The following ELP4 variants were observed in gnomAD, a reference collection of about 807,000 sequenced individuals.
ELP4 encodes elongator complex protein 4.
Under a neutral mutation model 48.9 loss-of-function variants are expected in ELP4, and 51 were observed. The ratio of observed to expected loss-of-function variants is 1.04; its 90% CI spans 0.83 to 1.32. The LOEUF is 1.32. Among genes scored for constraint, ELP4 ranks in the 40% most tolerant of loss-of-function variants. The pLI is 0.00. For missense variants in ELP4, 519 were observed against 514.6 expected (o/e 1.01, Z -0.08); for synonymous variants, 210 against 189.2 (o/e 1.11, Z -0.90).
chr11:31,629,604 G>A (rs1454260233), intron 6 of ELP4, among the ~76,000 whole-genome samples: 3 of 151,832 alleles, frequency 2.0e-5, no homozygotes, highest in East Asian at 3.9e-4. Context: ...ATACCTAACA[G>A]CATTTTTGTT....
Position 31,785,481 on chromosome 11 carries a change from TAGA to T in ELP4, c.*1958_*1960del, listed in dbSNP as rs1948543598. On this transcript the variant is annotated 3_prime_UTR_variant, in exon 10 of 10. Coordinates refer to ENST00000640961, the MANE Select transcript of ELP4 (RefSeq NM_019040.5). ...TACTAGTTAATATATGCTTTGCAAA[TAGA>T]TAACTACTATAAAAATTGAATATGC... The T allele has an allele frequency of 5.3e-6, 1 of 188,600 alleles. No individual in the cohort carries two copies. The highest frequency in any genetic ancestry group is 8.6e-5 in the East Asian group (1 of 11,682). The allele number at this position is 188,600 out of a possible 1,614,324, so 11.7% of individuals were successfully genotyped here. A position where few individuals can be genotyped will look rare whatever the true frequency, so the allele number is the denominator to read the frequency against.
intron 3 of ELP4, among the ~76,000 whole-genome samples, chr11:31,546,467 G>A (rs908119096): frequency 3.9e-5 from 6 of 152,052 alleles, no homozygotes; most frequent in Non-Finnish European, 7.4e-5. Flanking sequence ...CAATACAGGA[G>A]CACCCAGATT....
chr11:31,630,053 A>G (rs1159089507), intron 6 of ELP4, among the ~76,000 whole-genome samples: 1 of 151,964 alleles, frequency 6.6e-6, no homozygotes, highest in African/African-American at 2.4e-5. Flanking sequence ...AGAAATAAAA[A>G]GAAAACAATT....
In ELP4 at chr11:31,532,042, C is replaced by T. The variant is rs959743833; in HGVS notation, c.260-7620C>T. On this transcript the variant is annotated intron_variant, in intron 2 of 9. Transcript: ENST00000640961. ...CTAACATTTATTGACCACTTAACTA[C>T]GCACAAGGCACTGATTTAAGTATTT... Among the ~76,000 whole-genome samples the T allele has an allele frequency of 1.6e-4, 25 of 152,158 alleles. 1 individual carries two copies. Among genetic ancestry groups the T allele is most frequent in the African/African-American group, 4.1e-4 (17 of 41,426 alleles).
intron 9 of ELP4, among the ~76,000 whole-genome samples, chr11:31,760,287 A>G (rs1947918216): frequency 6.6e-6 from 1 of 152,198 alleles, no homozygotes; most frequent in Admixed American, 6.5e-5. Flanking sequence ...TAATGGCACA[A>G]CTTTGAAACA....
chr11:31,681,435 TAAATA>T (rs1401882038), intron 9 of ELP4, among the ~76,000 whole-genome samples: 1 of 152,060 alleles, frequency 6.6e-6, no homozygotes, highest in Non-Finnish European at 1.5e-5. Flanking sequence ...GTAAAGCAAA[TAAATA>T]AAACACCATT....
At chr11:31,749,856 A>AT (rs1365172448) in intron 9 of ELP4, among the ~76,000 whole-genome samples, 5,296 of 140,226 alleles carry the variant, frequency 0.038, 262 homozygotes, top group Admixed American at 0.097. Context: ...CCTTTATGAC[A>AT]TTTTTTTTTT....
At chr11:31,573,931 G>A (rs916214962) in intron 3 of ELP4, among the ~76,000 whole-genome samples, 3 of 152,032 alleles carry the variant, frequency 2.0e-5, no homozygotes, top group Admixed American at 2.0e-4. Flanking sequence ...ATCTCATTAG[G>A]GGATAGGACT....
At chr11:31,581,275 G>C (rs1335788554) in intron 3 of ELP4, among the ~76,000 whole-genome samples, 6 of 152,046 alleles carry the variant, frequency 3.9e-5, no homozygotes, top group African/African-American at 1.4e-4. Context: ...AAGATGTCTT[G>C]TTTCCTGGAT....
At chr11:31,600,707 A>G (rs1400268840) in intron 4 of ELP4, among the ~76,000 whole-genome samples, 2 of 152,202 alleles carry the variant, frequency 1.3e-5, no homozygotes, top group South Asian at 2.1e-4. Context: ...TCCAGATTCT[A>G]GTGATTAAAC....
intron 3 of ELP4, among the ~76,000 whole-genome samples, chr11:31,575,987 C>A (rs906009931): frequency 6.6e-6 from 1 of 152,160 alleles, no homozygotes; most frequent in African/African-American, 2.4e-5. Flanking sequence ...TTAAAAGACA[C>A]AGACTGGAAA....
At chr11:31,561,211 A>G (rs1040302187) in intron 3 of ELP4, among the ~76,000 whole-genome samples, 3 of 152,274 alleles carry the variant, frequency 2.0e-5, no homozygotes, top group Non-Finnish European at 2.9e-5. Flanking sequence ...ATTATCTTAT[A>G]TTAACCCTCT....
chr11:31,611,280 G>A (rs2134012954), intron 5 of ELP4, among the ~76,000 whole-genome samples: 1 of 152,328 alleles, frequency 6.6e-6, no homozygotes, highest in Middle Eastern at 3.4e-3. Flanking sequence ...TGACTAGTAA[G>A]ACCAAGGCAC....
chr11:31,547,936 AC>A (rs1322057647), intron 3 of ELP4, among the ~76,000 whole-genome samples: 6 of 152,018 alleles, frequency 3.9e-5, no homozygotes, highest in Non-Finnish European at 8.8e-5. Context: ...AAATTCAACA[AC>A]CCTTCATGCT....
At chr11:31,511,671 C>G (rs1197205896) in intron 1 of ELP4, 1 of 152,162 alleles carries the variant, frequency 6.6e-6, no homozygotes, top group Admixed American at 6.5e-5. Flanking sequence ...CTACCGCTGT[C>G]TGAAATTTTT....
Position 31,525,989 on chromosome 11 carries a change from C to G in ELP4, c.259+5898C>G, listed in dbSNP as rs559910952. ...CCTTTCCAGTTTGCCCTCTATAACA[C>G]CTATTTCATGTAAAATAAACTCTGA... On this transcript the variant is annotated intron_variant, in intron 2 of 9. Coordinates refer to ENST00000640961, the MANE Select transcript of ELP4 (RefSeq NM_019040.5). Among the ~76,000 whole-genome samples the G allele has an allele frequency of 3.3e-5, 5 of 152,224 alleles. No homozygotes were observed. The East Asian group carries it at 9.6e-4, about 29-fold the overall frequency.
At position 31,662,247 on chromosome 11, in the gene ELP4, G is replaced by C. The variant is rs531105462; in HGVS notation, c.1143+12026G>C. Among the ~76,000 whole-genome samples the C allele has an allele frequency of 2.0e-4, 30 of 152,194 alleles. 1 individual carries two copies. Among genetic ancestry groups the C allele is most frequent in the Non-Finnish European group, 8.8e-5 (6 of 67,938 alleles). On this transcript the variant is annotated intron_variant, in intron 9 of 9. Coordinates refer to ENST00000640961, the MANE Select transcript of ELP4 (RefSeq NM_019040.5). The stretch of plus-strand genomic sequence containing the variant: ...AAAGATATTTTGGAAATGTGATGTA[G>C]TCTTAATAGTACTATAAACATGAGC...
At chr11:31,592,466 C>T (rs1010020110) in intron 3 of ELP4, among the ~76,000 whole-genome samples, 2 of 150,684 alleles carry the variant, frequency 1.3e-5, no homozygotes, top group African/African-American at 2.4e-5. Context: ...CACTTGAGCC[C>T]AGGAGGTGTG....
chr11:31,574,940 T>C (rs1957248592), intron 3 of ELP4, among the ~76,000 whole-genome samples: 1 of 152,176 alleles, frequency 6.6e-6, no homozygotes, highest in African/African-American at 2.4e-5. Flanking sequence ...AGAATGACTT[T>C]GACAAGTTGA....
Sources: gnomAD v4.1 joint callset for allele counts (sites outside exome capture counted in the v4.1 genomes callset) on GRCh38, gnomAD v4.1.1 for gene constraint, MANE v1.5 for transcripts, NCBI Gene and HGNC (gene_info 2026-07-23, HGNC 2026-07-21) for gene names.